Variants in LARGE1 observed in about 807,000 individuals in gnomAD.
The protein encoded by LARGE1 is LARGE xylosyl- and glucuronyltransferase 1.
LARGE1 carries 43 observed loss-of-function variants against 87.6 expected under a neutral mutation model. That is an observed-to-expected ratio of 0.49 (90% CI 0.38 to 0.63). The LOEUF (loss-of-function observed/expected upper bound fraction) is 0.63. LARGE1 is among the 30% of genes least tolerant of loss of function. LARGE1 has a pLI of 0.00. For missense variants in LARGE1, 802 were observed against 1,000.2 expected (o/e 0.80, Z 2.67); for synonymous variants, 434 against 394.6 (o/e 1.10, Z -1.18).
chr22:33,562,734 A>G (rs1602448498), intron 6 of LARGE1, among the ~76,000 whole-genome samples: 1 of 152,234 alleles, frequency 6.6e-6, no homozygotes, highest in Admixed American at 6.5e-5. Flanking sequence ...ACAGAGCGCC[A>G]CTAGCACTAT....
chr22:33,300,043 A>G (rs1218154679), intron 12 of LARGE1, among the ~76,000 whole-genome samples: 2 of 152,182 alleles, frequency 1.3e-5, no homozygotes, highest in Non-Finnish European at 2.9e-5. Flanking sequence ...TTTTTTTGGT[A>G]ACCAAATAGA....
chr22:33,264,311 G>A (rs1472246469), intron 11 of LARGE1, among the ~76,000 whole-genome samples: 1 of 152,210 alleles, frequency 6.6e-6, no homozygotes, highest in Admixed American at 6.5e-5. Flanking sequence ...ATCCATTCAT[G>A]AAGAAATCAG....
intron 5 of LARGE1, chr22:33,572,183 A>G: frequency 7.8e-7 from 1 of 1,287,284 alleles, no homozygotes; most frequent in South Asian, 1.3e-5. Context: ...AATCACCTTG[A>G]CATATTTTAA....
intron 6 of LARGE1, among the ~76,000 whole-genome samples, chr22:33,529,419 A>G (rs1206746597): frequency 6.6e-6 from 1 of 152,238 alleles, no homozygotes; most frequent in Non-Finnish European, 1.5e-5. Context: ...GAATCCATGC[A>G]AGAGCACTTA....
chr22:33,437,377 C>T (rs1430919341), intron 6 of LARGE1, among the ~76,000 whole-genome samples: 1 of 152,196 alleles, frequency 6.6e-6, no homozygotes, highest in Non-Finnish European at 1.5e-5. Flanking sequence ...CTTCCACTTA[C>T]TAGCTATGTG....
chr22:33,262,885 G>T (rs60290807), intron 11 of LARGE1, among the ~76,000 whole-genome samples: 2 of 121,988 alleles, frequency 1.6e-5, no homozygotes, highest in African/African-American at 6.4e-5. Flanking sequence ...CCCTCCGCTC[G>T]CCTCCCCTCC....
chr22:33,779,809 A>C lies in LARGE1; in HGVS notation c.-82-18251T>G, dbSNP rs556864557. On this transcript the variant is annotated intron_variant, in intron 1 of 14. Coordinates refer to ENST00000397394, the MANE Select transcript of LARGE1 (RefSeq NM_133642.5). Reference sequence around the variant, plus strand: ...TTTCAAAAAAATTAAAAAAAAATTAAAAAAAGAAGAACTAGGGGGTGGTAA... The same window carrying C: ...TTTCAAAAAAATTAAAAAAAAATTACAAAAAGAAGAACTAGGGGGTGGTAA... Among the ~76,000 whole-genome samples, 7 of 131,920 alleles carry C rather than the reference A, an allele frequency of 5.3e-5. No individual in the cohort carries two copies. In the East Asian group the frequency reaches 1.6e-3, roughly 31 times the overall value. The allele number at this position is 131,920 out of a possible 152,430, so 86.5% of individuals were successfully genotyped here.
At chr22:33,746,471 A>G (rs2084088190) in intron 2 of LARGE1, 1 of 152,234 alleles carries the variant, frequency 6.6e-6, no homozygotes, top group Admixed American at 6.5e-5. Context: ...AGTCCTCACT[A>G]TCTGGAGTGT....
At chr22:33,525,997 C>T (rs2148536992) in intron 6 of LARGE1, among the ~76,000 whole-genome samples, 1 of 152,248 alleles carries the variant, frequency 6.6e-6, no homozygotes, top group Admixed American at 6.5e-5. Flanking sequence ...TTCATAGCAA[C>T]ATTACTCATG....
chr22:33,674,084 C>T (rs2081495833), intron 2 of LARGE1, among the ~76,000 whole-genome samples: 1 of 151,576 alleles, frequency 6.6e-6, no homozygotes. Context: ...GCTGGGATTA[C>T]AGGTGTGAGC....
At chr22:33,671,247 T>A (rs2081402063) in intron 2 of LARGE1, among the ~76,000 whole-genome samples, 1 of 152,152 alleles carries the variant, frequency 6.6e-6, no homozygotes, top group Non-Finnish European at 1.5e-5. Context: ...TTACTGGATT[T>A]CCCCAGTTCC....
chr22:33,382,971 T>C (rs2065205879), intron 8 of LARGE1, among the ~76,000 whole-genome samples: 1 of 152,186 alleles, frequency 6.6e-6, no homozygotes, highest in Non-Finnish European at 1.5e-5. Context: ...CTTTAAAAAA[T>C]AGTAAAGTAA....
intron 6 of LARGE1, among the ~76,000 whole-genome samples, chr22:33,440,505 G>C (rs999645114): frequency 5.9e-5 from 9 of 152,186 alleles, no homozygotes; most frequent in African/African-American, 2.2e-4. Context: ...AGGCTGCCCT[G>C]ACTGTCAGCA....
At chr22:33,168,581 T>C (rs1922396889) in intron 11 of LARGE1, among the ~76,000 whole-genome samples, 1 of 133,190 alleles carries the variant, frequency 7.5e-6, no homozygotes, top group African/African-American at 2.6e-5. Flanking sequence ...AAGCATGAAA[T>C]GCTAATTAAT....
At chr22:33,727,733 T>C (rs2083313636) in intron 2 of LARGE1, 1 of 152,204 alleles carries the variant, frequency 6.6e-6, no homozygotes, top group East Asian at 1.9e-4. Flanking sequence ...ACACGTGATA[T>C]CACAAATATA....
At chr22:33,852,488 T>C (rs903118109) in intron 1 of LARGE1, among the ~76,000 whole-genome samples, 1 of 152,166 alleles carries the variant, frequency 6.6e-6, no homozygotes, top group Non-Finnish European at 1.5e-5. Flanking sequence ...AGGTAACATG[T>C]GTTTTTTGTC....
At chr22:33,437,991 G>T (rs1447738273) in intron 6 of LARGE1, among the ~76,000 whole-genome samples, 2 of 151,862 alleles carry the variant, frequency 1.3e-5, no homozygotes, top group African/African-American at 4.8e-5. Context: ...TTCCAGCACT[G>T]CAGCCAGGCC....
At chr22:33,095,167 A>G in the LARGE1 span, among the ~76,000 whole-genome samples, 1 of 152,192 alleles carries the variant, frequency 6.6e-6, no homozygotes, top group Non-Finnish European at 1.5e-5. Context: ...AATTACCACA[A>G]AGTGGCTTAA....
chr22:33,198,967 G>A (rs191457908), intron 11 of LARGE1, among the ~76,000 whole-genome samples: 1 of 152,252 alleles, frequency 6.6e-6, no homozygotes, highest in Non-Finnish European at 1.5e-5. Context: ...CACCAACAGT[G>A]TATAAATATT....
Sources: gnomAD v4.1 joint callset for allele counts (sites outside exome capture counted in the v4.1 genomes callset) on GRCh38, gnomAD v4.1.1 for gene constraint, MANE v1.5 for transcripts, NCBI Gene and HGNC (gene_info 2026-07-23, HGNC 2026-07-21) for gene names.